SNX29: variants seen among roughly 807,000 people sequenced by gnomAD.
SNX29 encodes the protein sorting nexin-29.
In SNX29, 78 loss-of-function variants were observed where a neutral mutation model predicts 102.1. The observed-to-expected ratio is 0.76, with a 90% CI of 0.64 to 0.92. SNX29 has a LOEUF of 0.92. SNX29 is among the 40% of genes least tolerant of loss of function. The pLI is 0.00. For synonymous variants in SNX29, 580 were observed against 414.5 expected, an observed-to-expected ratio of 1.40 and a Z score of -4.85; for missense variants, 1,280 against 1,061.7, an observed-to-expected ratio of 1.21 and a Z score of -2.86.
intron 16 of SNX29, among the ~76,000 whole-genome samples, chr16:12,368,026 A>T (rs1212055107): frequency 2.6e-5 from 4 of 152,242 alleles, no homozygotes; most frequent in African/African-American, 9.6e-5. Context: ...ACCCCAAGTG[A>T]TCACATGCTC....
At chr16:12,355,582 A>G (rs2082106916) in intron 15 of SNX29, among the ~76,000 whole-genome samples, 1 of 152,170 alleles carries the variant, frequency 6.6e-6, no homozygotes, top group Admixed American at 6.5e-5. Context: ...ATTACATCTC[A>G]CATTTCTCTA....
intron 19 of SNX29, among the ~76,000 whole-genome samples, chr16:12,498,401 T>TAA (rs71816642): frequency 0.04 from 6,011 of 150,184 alleles, 285 homozygotes; most frequent in East Asian, 0.23. Flanking sequence ...GTTTGGCATT[T>TAA]AAAAAAAAAA....
rs902108296 is a variant in SNX29 at position 12,126,536 on chromosome 16, A to G, written c.1403-97A>G. 2.4e-5 allele frequency: 30 copies of G among 1,272,398 alleles called. No homozygotes were observed. In the African/African-American group the frequency reaches 4.3e-4, roughly 18 times the overall value. 78.8% of individuals were successfully genotyped at this position (1,272,398 alleles called of 1,614,324 possible). On this transcript the variant is annotated intron_variant, in intron 11 of 20. Transcript: ENST00000566228. ...GAAAGGGAAAAGGGAACTTATCTAGACAAGTCATCCTTAATAGCATATAAT... is the reference window on the plus strand; with the variant it reads ...GAAAGGGAAAAGGGAACTTATCTAGGCAAGTCATCCTTAATAGCATATAAT...
At chr16:12,257,304 T>G (rs574438989) in intron 14 of SNX29, among the ~76,000 whole-genome samples, 1 of 152,330 alleles carries the variant, frequency 6.6e-6, no homozygotes, top group African/African-American at 2.4e-5. Context: ...TCTCTTCTGC[T>G]TTCGACTGGA....
intron 20 of SNX29, among the ~76,000 whole-genome samples, chr16:12,526,167 G>A (rs915186654): frequency 6.6e-6 from 1 of 152,204 alleles, no homozygotes; most frequent in African/African-American, 2.4e-5. Context: ...ATGAAATGCT[G>A]GGGTAATATA....
At chr16:12,307,878 C>T (rs2080390213) in intron 15 of SNX29, among the ~76,000 whole-genome samples, 2 of 152,238 alleles carry the variant, frequency 1.3e-5, no homozygotes. Context: ...CCCTGACCTT[C>T]TGAACTCCTG....
intron 11 of SNX29, among the ~76,000 whole-genome samples, chr16:12,112,037 G>T (rs570315407): frequency 6.6e-6 from 1 of 152,342 alleles, no homozygotes; most frequent in East Asian, 1.9e-4. Flanking sequence ...GCACACAGAG[G>T]TTGTGCGCAG....
At chr16:12,103,453 A>G (rs973242648) in intron 11 of SNX29, among the ~76,000 whole-genome samples, 2 of 152,224 alleles carry the variant, frequency 1.3e-5, no homozygotes, top group African/African-American at 4.8e-5. Context: ...AGGATTCCCT[A>G]TTTAATAAAT....
intron 19 of SNX29, among the ~76,000 whole-genome samples, chr16:12,493,295 C>G (rs2088644081): frequency 6.6e-6 from 1 of 152,088 alleles, no homozygotes; most frequent in Non-Finnish European, 1.5e-5. Flanking sequence ...CTCTTTGAAG[C>G]AATTGTGAAT....
chr16:12,054,871 T>C (rs1325268590), intron 8 of SNX29, among the ~76,000 whole-genome samples: 1 of 152,226 alleles, frequency 6.6e-6, no homozygotes, highest in African/African-American at 2.4e-5. Flanking sequence ...TTTCCCCTTT[T>C]GTTGGGTATT....
intron 20 of SNX29, among the ~76,000 whole-genome samples, chr16:12,537,217 C>T (rs773157630): frequency 5.3e-5 from 8 of 152,178 alleles, no homozygotes; most frequent in East Asian, 1.9e-4. Context: ...GCTTAGAGAC[C>T]AGACTGCAAG....
chr16:12,571,745 A>AAC lies in SNX29; in HGVS notation c.*3117_*3118dup. 9.8e-7 allele frequency: 1 copy of AAC among 1,021,556 alleles called. No individual in the cohort carries two copies. The highest frequency in any genetic ancestry group is 1.2e-6 in the Non-Finnish European group (1 of 840,500). 63.3% of individuals were successfully genotyped at this position (1,021,556 alleles called of 1,614,324 possible). On this transcript the variant is annotated 3_prime_UTR_variant, in exon 21 of 21. Transcript: ENST00000566228. Reference sequence around the variant, plus strand: ...TTAAAGGCTGCTAGAAACCTAGCCCAACCATCCACTCCTGATCTGAGACAG... The same window carrying AAC: ...TTAAAGGCTGCTAGAAACCTAGCCCAACACCATCCACTCCTGATCTGAGACAG...
intron 13 of SNX29, among the ~76,000 whole-genome samples, chr16:12,184,221 C>T (rs920084401): frequency 3.9e-5 from 6 of 152,162 alleles, no homozygotes; most frequent in Admixed American, 6.5e-5. Context: ...ATCTAACATA[C>T]GGTTCATATT....
chr16:12,188,873 T>C (rs2076576951), intron 13 of SNX29, among the ~76,000 whole-genome samples: 2 of 152,164 alleles, frequency 1.3e-5, no homozygotes, highest in African/African-American at 2.4e-5. Flanking sequence ...CCCTGTCTTA[T>C]TAGAGAAAAC....
intron 20 of SNX29, among the ~76,000 whole-genome samples, chr16:12,552,638 A>G (rs1430282620): frequency 1.3e-5 from 2 of 152,000 alleles, no homozygotes; most frequent in Admixed American, 6.6e-5. Context: ...CACCAAACAA[A>G]TGGAAGGATT....
In SNX29 at chr16:12,060,691, C is replaced by T. The variant is rs906698684; in HGVS notation, c.1125-837C>T. 7.5e-5 allele frequency: 33 copies of T among 442,398 alleles called. 1 individual carries two copies. The highest frequency in any genetic ancestry group is 3.2e-4 in the South Asian group (20 of 61,554). The allele number at this position is 442,398 out of a possible 1,614,324, so 27.4% of individuals were successfully genotyped here. ...CAGATGTAATGCAGATACTGGGGGACGGCTATACTGCAAAAATACCTCCAG... is the reference window on the plus strand; with the variant it reads ...CAGATGTAATGCAGATACTGGGGGATGGCTATACTGCAAAAATACCTCCAG... On this transcript the variant is annotated intron_variant, in intron 8 of 20. Coordinates refer to ENST00000566228, the MANE Select transcript of SNX29 (RefSeq NM_032167.5).
At chr16:12,373,745 C>T (rs1436183823) in intron 16 of SNX29, 1 of 152,174 alleles carries the variant, frequency 6.6e-6, no homozygotes, top group African/African-American at 2.4e-5. Context: ...ATCCTGACTA[C>T]CGATGCCCTG....
At chr16:12,519,783 G>GT (rs1246698496) in intron 19 of SNX29, among the ~76,000 whole-genome samples, 1 of 151,970 alleles carries the variant, frequency 6.6e-6, no homozygotes, top group African/African-American at 2.4e-5. Flanking sequence ...GAGGGCAGGA[G>GT]TATCACCTGA....
intron 11 of SNX29, among the ~76,000 whole-genome samples, chr16:12,117,127 A>C (rs996368395): frequency 4.7e-5 from 7 of 148,986 alleles, no homozygotes; most frequent in Non-Finnish European, 1.0e-4. Flanking sequence ...CCATGGAAAC[A>C]GGCGTGGTCA....
Sources: allele counts gnomAD v4.1 joint callset (sites outside exome capture counted in the v4.1 genomes callset), GRCh38; gene constraint gnomAD v4.1.1; transcripts MANE v1.5; gene names NCBI Gene and HGNC (gene_info 2026-07-23, HGNC 2026-07-21).